Variants in TTC28 observed in about 807,000 individuals in gnomAD.
TTC28 encodes tetratricopeptide repeat protein 28.
A neutral mutation model predicts 198.0 loss-of-function variants in TTC28; 61 were observed. The ratio of observed to expected loss-of-function variants is 0.31; its 90% CI spans 0.25 to 0.38. The LOEUF (loss-of-function observed/expected upper bound fraction) is 0.38. TTC28 is among the 10% of genes least tolerant of loss of function. The pLI is 1.00. For synonymous variants in TTC28, 1,171 were observed against 1,297.8 expected (o/e 0.90, Z 2.10); for missense variants, 2,678 against 3,164.0 (o/e 0.85, Z 3.69).
Position 28,001,700 on chromosome 22 carries a change from G to A in TTC28, c.4219-147C>T, listed in dbSNP as rs759406155. ...TGTGGGGCGCCATGGGGCATGGGCC[G>A]AGTTGCAGCCCTGCAGGAGCGGCAC... On this transcript the variant is annotated intron_variant, in intron 14 of 22. Coordinates refer to ENST00000397906, the MANE Select transcript of TTC28 (RefSeq NM_001145418.2). 8.7e-5 allele frequency: 80 copies of A among 921,754 alleles called. No homozygotes were observed. The Admixed American group carries it at 1.1e-3, about 12-fold the overall frequency. The allele number at this position is 921,754 out of a possible 1,614,324, so 57.1% of individuals were successfully genotyped here.
At chr22:27,991,104 G>A (rs893574055) in intron 19 of TTC28, among the ~76,000 whole-genome samples, 5 of 152,006 alleles carry the variant, frequency 3.3e-5, no homozygotes, top group African/African-American at 7.2e-5. Flanking sequence ...GCGGGCGTTT[G>A]TAGCCAGCTC....
chr22:28,148,615 A>C (rs1943533482), intron 6 of TTC28, among the ~76,000 whole-genome samples: 1 of 151,286 alleles, frequency 6.6e-6, no homozygotes, highest in South Asian at 2.1e-4. Flanking sequence ...TCTGTCTCAA[A>C]AAAAAAAAAA....
At chr22:28,342,904 A>G (rs2045853976) in intron 2 of TTC28, among the ~76,000 whole-genome samples, 3 of 152,200 alleles carry the variant, frequency 2.0e-5, no homozygotes, top group Non-Finnish European at 4.4e-5. Context: ...GACCTAGACT[A>G]AAATTTTTAT....
In TTC28 at chr22:28,107,288, C is replaced by T. The variant is rs754775119; in HGVS notation, c.2557G>A (p.Ala853Thr). The T allele has an allele frequency of 2.6e-6, 4 of 1,551,888 alleles. No homozygotes were observed. The South Asian group carries it at 4.8e-5, about 18-fold the overall frequency. ...AATTGCTGCTCAAAGTAGCCAATGG[C>T]TTCTTCCATCACATTCATGTTCATC... The part of the protein sequence containing the change: ...TKMNMNVMEE[A>T]IGYFEQQLAM... The change falls in exon 7 of 23, where the codon GCC becomes ACC. Residue 853 changes from alanine to threonine, a missense_variant. Ala to Thr is a moderately conservative substitution (Grantham distance 58). This residue lies in a region of TTC28 where 775 missense variants were observed against 845.9 expected (regional missense o/e 0.92). Coordinates refer to ENST00000397906, the MANE Select transcript of TTC28 (RefSeq NM_001145418.2).
At chr22:28,168,205 A>C (rs1425428794) in intron 5 of TTC28, among the ~76,000 whole-genome samples, 1 of 152,226 alleles carries the variant, frequency 6.6e-6, no homozygotes, top group East Asian at 1.9e-4. Flanking sequence ...TTCCATGCTC[A>C]TGGATAGGAA....
rs751326855 is a variant in TTC28, at chr22:27,978,945, T to C, written c.*3276A>G. On this transcript the variant is annotated 3_prime_UTR_variant, in exon 23 of 23. Coordinates refer to ENST00000397906, the MANE Select transcript of TTC28 (RefSeq NM_001145418.2). Reference sequence around the variant, plus strand: ...CTAAAAGGAAATATATGCAATGCTTTCTGCAAATGGTAAGGAAAAAATTGT... The same window carrying C: ...CTAAAAGGAAATATATGCAATGCTTCCTGCAAATGGTAAGGAAAAAATTGT... The C allele has an allele frequency of 6.6e-6, 1 of 152,252 alleles. No homozygotes were observed. The highest frequency in any genetic ancestry group is 2.4e-5 in the African/African-American group (1 of 41,448). The allele number at this position is 152,252 out of a possible 1,614,324, so 9.4% of individuals were successfully genotyped here.
At chr22:28,524,608 T>C (rs183596346) in intron 2 of TTC28, among the ~76,000 whole-genome samples, 63 of 152,250 alleles carry the variant, frequency 4.1e-4, no homozygotes, top group South Asian at 3.5e-3. Context: ...AAAACCTGTC[T>C]CTACCAAAAA....
rs186511055 is a variant in TTC28 at position 28,441,524 on chromosome 22, A to C, written c.382-134881T>G. On this transcript the variant is annotated intron_variant, in intron 2 of 22. Transcript: ENST00000397906. ...TAATATATAAGAGATTCTTGACTTC[A>C]GGATGAAGTAGAAAAGACACAGGGT... 2.0e-3 allele frequency among the ~76,000 whole-genome samples: 302 copies of C among 152,320 alleles called. 1 individual carries two copies. The highest frequency in any genetic ancestry group is 7.0e-3 in the African/African-American group (291 of 41,574).
At chr22:28,369,082 A>C (rs1191445828) in intron 2 of TTC28, among the ~76,000 whole-genome samples, 1 of 152,120 alleles carries the variant, frequency 6.6e-6, no homozygotes, top group Non-Finnish European at 1.5e-5. Flanking sequence ...GTAGAAAAAC[A>C]ATCCTAAAAT....
intron 2 of TTC28, among the ~76,000 whole-genome samples, chr22:28,541,824 C>T (rs2049417740): frequency 1.3e-5 from 2 of 152,028 alleles, no homozygotes; most frequent in Admixed American, 6.6e-5. Flanking sequence ...GACATTGGCT[C>T]ACGCCTGTAA....
At chr22:28,081,784 G>A (rs1041258896) in intron 12 of TTC28, among the ~76,000 whole-genome samples, 2 of 152,202 alleles carry the variant, frequency 1.3e-5, no homozygotes, top group Non-Finnish European at 2.9e-5. Context: ...AAGCCACTGA[G>A]CCCGGCTGCC....
At chr22:27,991,750 C>A (rs1251059545) in intron 19 of TTC28, among the ~76,000 whole-genome samples, 4 of 152,258 alleles carry the variant, frequency 2.6e-5, no homozygotes, top group African/African-American at 9.6e-5. Context: ...CAGACCCTCA[C>A]TGGCCAGAAC....
chr22:28,479,156 A>AG (rs1360722143), intron 2 of TTC28, among the ~76,000 whole-genome samples: 1 of 152,222 alleles, frequency 6.6e-6, no homozygotes, highest in African/African-American at 2.4e-5. Context: ...GTTAAATACA[A>AG]GGGGAAAAAA....
At chr22:28,062,400 GTTTTTAACTCTTCTTTTTTT>G (rs1343937882) in intron 12 of TTC28, among the ~76,000 whole-genome samples, 1 of 111,038 alleles carries the variant, frequency 9.0e-6, no homozygotes, top group East Asian at 2.8e-4. Context: ...CCTGTGGATT[GTTTTTAACTCTTCTTTTTTT>G]TTTTTTTTTT....
intron 5 of TTC28, among the ~76,000 whole-genome samples, chr22:28,228,003 G>A (rs543424092): frequency 6.6e-6 from 1 of 151,956 alleles, no homozygotes; most frequent in South Asian, 2.1e-4. Context: ...AACAAAATGT[G>A]GTATATACAT....
At chr22:28,081,637 C>T (rs975838902) in intron 12 of TTC28, among the ~76,000 whole-genome samples, 13 of 152,100 alleles carry the variant, frequency 8.5e-5, no homozygotes, top group Middle Eastern at 6.8e-3. Context: ...GGATTACAGG[C>T]GTGCGCCACC....
intron 18 of TTC28, chr22:27,993,024 C>A (rs138646): frequency 0.1 from 56,960 of 561,708 alleles, 3,242 homozygotes; most frequent in Non-Finnish European, 0.11. Flanking sequence ...TGTCTGCCGG[C>A]ACGACCTCCC....
rs151254702 is a variant in TTC28 at position 28,015,637 on chromosome 22, G to A, written c.4074-1245C>T. On this transcript the variant is annotated intron_variant, in intron 13 of 22. Transcript: ENST00000397906. ...GATGGGGTCTCACTGTGTTACCCAG[G>A]CTGGTCTTGAACTCCTGGGCTCAAG... Among the ~76,000 whole-genome samples the A allele has an allele frequency of 8.6e-3, 1,304 of 151,824 alleles. 19 individuals carry two copies. Among genetic ancestry groups the A allele is most frequent in the African/African-American group, 0.03 (1,244 of 41,338 alleles).
chr22:28,179,169 T>TG (rs982677725), intron 5 of TTC28, among the ~76,000 whole-genome samples: 4 of 151,700 alleles, frequency 2.6e-5, no homozygotes, highest in South Asian at 2.1e-4. Flanking sequence ...TGTTTTGTTT[T>TG]TTTTTTTTTG....
Sources: allele counts gnomAD v4.1 joint callset (sites outside exome capture counted in the v4.1 genomes callset), GRCh38; gene constraint gnomAD v4.1.1; regional missense constraint gnomAD v4.1.1; transcripts MANE v1.5; gene names NCBI Gene and HGNC (gene_info 2026-07-23, HGNC 2026-07-21).